ITPKB: variants seen among roughly 807,000 people sequenced by gnomAD.
ITPKB encodes the protein IP3 3-kinase B.
ITPKB carries 13 observed loss-of-function variants against 69.4 expected under a neutral mutation model. The observed-to-expected ratio is 0.19, with a 90% confidence interval of 0.12 to 0.30. ITPKB has a LOEUF of 0.30. Ranked by LOEUF, ITPKB falls within the 10% of genes least tolerant of loss-of-function variation. The pLI is 1.00. For synonymous variants in ITPKB, 584 were observed against 513.7 expected (o/e 1.14, Z -1.85); for missense variants, 1,240 against 1,250.5 (o/e 0.99, Z 0.13).
At chr1:226,691,570 A>C (rs919135232) in intron 2 of ITPKB, among the ~76,000 whole-genome samples, 8 of 152,204 alleles carry the variant, frequency 5.3e-5, no homozygotes, top group African/African-American at 1.7e-4. Flanking sequence ...GCAAAACAGT[A>C]TTTTGGCTGG....
chr1:226,720,635 CTAT>C (rs796800789), intron 2 of ITPKB, among the ~76,000 whole-genome samples: 1 of 152,128 alleles, frequency 6.6e-6, no homozygotes, highest in South Asian at 2.1e-4. Flanking sequence ...ATCATTGCTG[CTAT>C]TATTTTTATT....
intron 2 of ITPKB, among the ~76,000 whole-genome samples, chr1:226,729,211 C>T (rs1316213981): frequency 6.6e-5 from 10 of 152,166 alleles, no homozygotes; most frequent in Non-Finnish European, 1.2e-4. Context: ...AGGCCAGGCG[C>T]GGTGGCTCAC....
intron 2 of ITPKB, among the ~76,000 whole-genome samples, chr1:226,708,688 A>G (rs957225115): frequency 3.3e-5 from 5 of 152,230 alleles, no homozygotes; most frequent in African/African-American, 1.2e-4. Flanking sequence ...TGCAGAGGAC[A>G]CAGGTCTTTC....
chr1:226,733,819 T>A (rs766664492), intron 2 of ITPKB, among the ~76,000 whole-genome samples: 7 of 152,226 alleles, frequency 4.6e-5, no homozygotes, highest in Non-Finnish European at 7.3e-5. Flanking sequence ...AAAAGTCACC[T>A]GTCGTTATTG....
intron 2 of ITPKB, among the ~76,000 whole-genome samples, chr1:226,681,334 C>A (rs551893736): frequency 8.5e-5 from 13 of 152,238 alleles, no homozygotes; most frequent in African/African-American, 2.9e-4. Flanking sequence ...ATTGCAGACA[C>A]CTCCATCTGT....
Position 226,640,589 on chromosome 1 carries a change from G to A in ITPKB, c.2452-931C>T, listed in dbSNP as rs184126166. 2.4e-3 allele frequency among the ~76,000 whole-genome samples: 373 copies of A among 152,336 alleles called. 3 individuals are homozygous for A. Among genetic ancestry groups the A allele is most frequent in the African/African-American group, 8.4e-3 (348 of 41,584 alleles). ...TGAGTGGGAAGACAGGCTGTCGGCT[G>A]TTCTGACGGCTGGACAATAGACAGA... On this transcript the variant is annotated intron_variant, in intron 5 of 7. Coordinates refer to ENST00000429204, the MANE Select transcript of ITPKB (RefSeq NM_002221.4).
chr1:226,641,253 T>C lies in ITPKB; in HGVS notation c.2451+668A>G, dbSNP rs1267358531. Among the ~76,000 whole-genome samples the C allele has an allele frequency of 6.6e-6, 1 of 152,218 alleles. No homozygotes were observed. Among genetic ancestry groups the C allele is most frequent in the Non-Finnish European group, 1.5e-5 (1 of 68,040 alleles). The stretch of plus-strand genomic sequence containing the variant: ...CATAATCATGTATAGGAAGCTTCTG[T>C]GTGCCCATAGCCAGAGCTAAGAACT... On this transcript the variant is annotated intron_variant, in intron 5 of 7. Transcript: ENST00000429204. This position sits in a 1 kb window ranked among gnomAD's most constrained non-coding sequence, Gnocchi z 4.6.
rs774371545 is a variant in ITPKB at position 226,736,832 on chromosome 1, A to G, written c.627T>C (p.Cys209=). 1.2e-6 allele frequency: 2 copies of G among 1,612,538 alleles called. No homozygotes were observed. Among genetic ancestry groups the G allele is most frequent in the African/African-American group, 2.7e-5 (2 of 74,918 alleles). ...CGGAGTCGGTTCCTGAAGTCTCTGG[A>G]CATTGCTCCCCCCAGGACTTTGTCC... ...ERRTKSWGEQ[C]PETSGTDSGR... is the part of the protein sequence containing the mutation. Residue 209 remains cysteine, a synonymous_variant, in exon 2 of 8, where the codon TGT becomes TGC. Coordinates refer to ENST00000429204, the MANE Select transcript of ITPKB (RefSeq NM_002221.4).
In ITPKB at chr1:226,689,612, T is replaced by C. The variant is rs545695140; in HGVS notation, c.1933-40841A>G. On this transcript the variant is annotated intron_variant, in intron 2 of 7. Transcript: ENST00000429204. Reference sequence around the variant, plus strand: ...GTGTGTGTGTGTGTGTGTGTGTGTGTGCATGCATATGTGTTTGTGTACTTT... The same window carrying C: ...GTGTGTGTGTGTGTGTGTGTGTGTGCGCATGCATATGTGTTTGTGTACTTT... Among the ~76,000 whole-genome samples, 52 of 145,402 alleles carry C rather than the reference T, an allele frequency of 3.6e-4. No homozygotes were observed. The South Asian group carries it at 6.3e-3, about 18-fold the overall frequency.
At chr1:226,667,203 AC>A (rs953772656) in intron 2 of ITPKB, among the ~76,000 whole-genome samples, 14 of 152,164 alleles carry the variant, frequency 9.2e-5, no homozygotes, top group African/African-American at 3.4e-4. Context: ...CATGAGTGTT[AC>A]CCCCACTAGA....
At chr1:226,733,148 G>A (rs1210031873) in intron 2 of ITPKB, among the ~76,000 whole-genome samples, 1 of 152,184 alleles carries the variant, frequency 6.6e-6, no homozygotes, top group African/African-American at 2.4e-5. Flanking sequence ...AGGAGGGTAA[G>A]TGTGAGCATG....
intron 2 of ITPKB, among the ~76,000 whole-genome samples, chr1:226,681,203 G>A (rs547309225): frequency 1.3e-4 from 20 of 152,244 alleles, no homozygotes; most frequent in African/African-American, 4.8e-4. Flanking sequence ...AGTGTTGCTG[G>A]TTCCGAGGCC....
chr1:226,667,395 C>G (rs752450293), intron 2 of ITPKB, among the ~76,000 whole-genome samples: 3 of 152,230 alleles, frequency 2.0e-5, no homozygotes, highest in Non-Finnish European at 4.4e-5. Context: ...ATGCCTAGCC[C>G]TTACTGTGGG....
At chr1:226,686,466 T>C (rs1231972714) in intron 2 of ITPKB, among the ~76,000 whole-genome samples, 3 of 152,100 alleles carry the variant, frequency 2.0e-5, no homozygotes, top group Non-Finnish European at 4.4e-5. Flanking sequence ...TTTGGGGAAA[T>C]GGGGGAAATT....
intron 2 of ITPKB, among the ~76,000 whole-genome samples, chr1:226,670,360 T>C (rs1254036686): frequency 6.6e-6 from 1 of 152,124 alleles, no homozygotes; most frequent in Non-Finnish European, 1.5e-5. Context: ...CTTTCAGTTA[T>C]TTATTTTACC....
In ITPKB at chr1:226,736,261, C is replaced by T. The variant is rs374593738; in HGVS notation, c.1198G>A (p.Val400Met). The T allele has an allele frequency of 3.2e-6, 5 of 1,571,606 alleles. No homozygotes were observed. The highest frequency in any genetic ancestry group is 4.3e-6 in the Non-Finnish European group (5 of 1,161,688). Residue 400 changes from valine (V) to methionine (M), a missense_variant, in exon 2 of 8, where the codon GTG becomes ATG. Val to Met is a conservative substitution (Grantham distance 21). This residue lies in a region of ITPKB where 992 missense variants were observed against 853.8 expected (regional missense o/e 1.16). Transcript: ENST00000429204. ...GAATCAGAGGACTCTGCGCTTTGCA[C>T]GCTCACAGTCGTCTCCTCTGGCCTT... ...GKRPEETTVS[V>M]QSAESSDSLS...
chr1:226,655,686 G>A (rs1483615031), intron 2 of ITPKB, among the ~76,000 whole-genome samples: 1 of 152,228 alleles, frequency 6.6e-6, no homozygotes, highest in Non-Finnish European at 1.5e-5. Flanking sequence ...AGGAGGCCAA[G>A]CCACCCAGGG....
Position 226,648,778 on chromosome 1 carries a change from A to G in ITPKB, c.1933-7T>C. ...TCTTCCTCCATGATTTGCTCTAGAA[A>G]CAAACAAACAAAAAGCTCTACATTA... On this transcript the variant is annotated splice_polypyrimidine_tract_variant and splice_region_variant and intron_variant, in intron 2 of 7. Coordinates refer to ENST00000429204, the MANE Select transcript of ITPKB (RefSeq NM_002221.4). 1 of 1,560,186 alleles carries G rather than the reference A, an allele frequency of 6.4e-7. No homozygotes were observed. Among genetic ancestry groups the G allele is most frequent in the South Asian group, 1.1e-5 (1 of 89,970 alleles).
At chr1:226,704,008 G>A (rs1443738236) in intron 2 of ITPKB, among the ~76,000 whole-genome samples, 1 of 152,060 alleles carries the variant, frequency 6.6e-6, no homozygotes, top group Non-Finnish European at 1.5e-5. Flanking sequence ...CCAACTCCAC[G>A]GTCAGCTTGC....
Sources: gnomAD v4.1 joint callset for allele counts (sites outside exome capture counted in the v4.1 genomes callset) on GRCh38, gnomAD v4.1.1 for gene constraint, gnomAD v4.1.1 regional missense constraint, Gnocchi (gnomAD v3.1) non-coding constraint, MANE v1.5 for transcripts, NCBI Gene and HGNC (gene_info 2026-07-23, HGNC 2026-07-21) for gene names.